The following HAUS7 variants were observed in gnomAD, a reference collection of about 807,000 sequenced individuals.
HAUS7 encodes HAUS augmin-like complex subunit 7.
A neutral mutation model predicts 28.4 loss-of-function variants in HAUS7; 3 were observed. The observed-to-expected ratio is 0.11, with a 90% CI of 0.05 to 0.27. The LOEUF (loss-of-function observed/expected upper bound fraction) is 0.27. Among genes scored for constraint, HAUS7 ranks in the 10% least tolerant of loss-of-function variants. The pLI, the probability that HAUS7 is intolerant of heterozygous loss-of-function variation, is 1.00. For missense variants in HAUS7, 284 were observed against 297.3 expected, an observed-to-expected ratio of 0.96 and a Z score of 0.33; for synonymous variants, 165 against 132.1, an observed-to-expected ratio of 1.25 and a Z score of -1.71.
At chrX:153,471,460 C>T (rs1280867815), upstream of HAUS7, among the ~76,000 whole-genome samples, 1 of 112,620 alleles carries the variant, frequency 8.9e-6, no homozygotes, top group African/African-American at 3.2e-5. Flanking sequence ...CCCTCAGGAC[C>T]CTCAAACTCA....
chrX:153,482,504 G>A, intron 1 of HAUS7: 3 of 754,252 alleles, frequency 4.0e-6, no homozygotes, highest in Non-Finnish European at 3.1e-6. Flanking sequence ...GCAGGCCTGG[G>A]CAGGTGCCCC....
chrX:153,477,169 C>A (rs1263658985), intron 1 of HAUS7, among the ~76,000 whole-genome samples: 1 of 113,409 alleles, frequency 8.8e-6, no homozygotes, highest in Non-Finnish European at 1.9e-5. Context: ...TGGGTAGGAG[C>A]GGAGTCCCTC....
intron 1 of HAUS7, chrX:153,479,232 T>C (rs1171750796): frequency 3.9e-6 from 2 of 515,737 alleles, no homozygotes; most frequent in Non-Finnish European, 2.4e-6. Flanking sequence ...CCACCGTGCC[T>C]CTCCCAGCTC....
At chrX:153,461,276 G>A (rs1556983315) in intron 4 of HAUS7, among the ~76,000 whole-genome samples, 5 of 111,789 alleles carry the variant, frequency 4.5e-5, no homozygotes, top group Admixed American at 9.5e-5. Flanking sequence ...GGAGAACCAC[G>A]GACTCTCAAC....
intron 1 of HAUS7, chrX:153,481,562 C>A: frequency 1.3e-6 from 1 of 756,423 alleles, no homozygotes; most frequent in Non-Finnish European, 1.6e-6. Context: ...TGCCTCCTGG[C>A]CCAGGCAGTC....
rs191749973 is a variant in HAUS7, at chrX:153,463,779, C to G, written c.293-1108G>C. Among the ~76,000 whole-genome samples the G allele has an allele frequency of 3.5e-5, 4 of 113,045 alleles. No homozygotes were observed. In the Admixed American group the frequency reaches 3.7e-4, roughly 10 times the overall value. On this transcript the variant is annotated intron_variant, in intron 3 of 9. Transcript: ENST00000370211. ...GCCCACCTGGGGCCCTGTGCGCATG[C>G]TCTTCCTCTCCGCACATGCCGCGCT...
At chrX:153,470,674 G>T, upstream of HAUS7, 1 of 1,025,812 alleles carries the variant, frequency 9.7e-7, no homozygotes, top group Non-Finnish European at 1.3e-6. Flanking sequence ...CTTCCCGACC[G>T]ACCCTTCCCA....
upstream of HAUS7, chrX:153,471,292 A>C (rs926755619): frequency 1.0e-4 from 23 of 226,916 alleles, no homozygotes; most frequent in African/African-American, 5.8e-4. Flanking sequence ...GGCAGGCGGT[A>C]ATAATTCCTG....
intron 1 of HAUS7, chrX:153,486,658 A>G: frequency 1.0e-6 from 1 of 982,367 alleles, no homozygotes; most frequent in Non-Finnish European, 1.3e-6. Flanking sequence ...CATCTGTGAC[A>G]TGCGCGTGGC....
chrX:153,487,632 A>G lies in HAUS7; in HGVS notation c.-589+7742T>C, dbSNP rs1256457908. Among the ~76,000 whole-genome samples the G allele has an allele frequency of 1.9e-4, 21 of 112,630 alleles. No homozygotes were observed. The Admixed American group carries it at 2.0e-3, about 10-fold the overall frequency. ...TGCTGTGAGACCAGGCTGTGCCCCT[A>G]TCTGACCTGGTGCCAGGGAAGGGTG... On this transcript the variant is annotated intron_variant, in intron 1 of 5. Coordinates refer to the HAUS7 transcript ENST00000370210.
chrX:153,468,905 G>A (rs1195332728), intron 2 of HAUS7, among the ~76,000 whole-genome samples: 1 of 113,179 alleles, frequency 8.8e-6, no homozygotes. Context: ...GTTCAGCACT[G>A]CAGCAAAGGG....
chrX:153,482,267 G>A, intron 1 of HAUS7: 3 of 749,015 alleles, frequency 4.0e-6, no homozygotes. Flanking sequence ...GCCCAGGAAG[G>A]CCTGTGCCCC....
chrX:153,462,147 T>C, intron 4 of HAUS7: 1 of 1,026,128 alleles, frequency 9.7e-7, no homozygotes, highest in Admixed American at 3.6e-5. Flanking sequence ...CTCATAATCA[T>C]CGAGTGAAAA....
At chrX:153,469,007 C>A in intron 2 of HAUS7, 139 bp downstream of exon 2, 1 of 470,439 alleles carries the variant, frequency 2.1e-6, no homozygotes, top group Admixed American at 3.3e-5. Flanking sequence ...CAGCTGTTCT[C>A]ACGAGGGTCC....
chrX:153,464,409 G>A (rs1339976223), intron 3 of HAUS7, among the ~76,000 whole-genome samples: 1 of 112,503 alleles, frequency 8.9e-6, no homozygotes, highest in African/African-American at 3.2e-5. Context: ...TAACTCATGT[G>A]GCAATGCCAG....
rs1556984780 is a variant in HAUS7 at position 153,469,238 on chromosome X, C to T, written c.132G>A (p.Glu44=). Residue 44 remains glutamate (E), a synonymous_variant, in exon 2 of 10, where the codon GAG becomes GAA. Transcript: ENST00000370211. ...TCTTTGGCTCTGTGATATACAGACC[C>T]TCGAGGAAGGGGCAGTTTAGGTCCT... ...KLKDLNCPFL[E]GLYITEPKTI... 1 of 1,165,996 alleles carries T rather than the reference C, an allele frequency of 8.6e-7. No homozygotes were observed. The highest frequency in any genetic ancestry group is 1.8e-5 in the South Asian group (1 of 55,695).
upstream of HAUS7, chrX:153,470,741 A>C: frequency 5.1e-6 from 3 of 584,536 alleles, no homozygotes; most frequent in Non-Finnish European, 5.3e-6. Flanking sequence ...CCCCGGCACC[A>C]CCCAGAGGCA....
chrX:153,471,115 G>T (rs1556985281), upstream of HAUS7: 2 of 288,057 alleles, frequency 6.9e-6, no homozygotes, highest in Non-Finnish European at 1.4e-5. Flanking sequence ...CTCCCAGCGC[G>T]GGGCTCCGTC....
intron 1 of HAUS7, among the ~76,000 whole-genome samples, chrX:153,477,375 C>T (rs1012876077): frequency 1.5e-4 from 17 of 113,500 alleles, no homozygotes; most frequent in Admixed American, 1.4e-3. Flanking sequence ...TTCCCATCAC[C>T]GTCCAGTCTC....
Sources: allele counts gnomAD v4.1 joint callset (sites outside exome capture counted in the v4.1 genomes callset), GRCh38; gene constraint gnomAD v4.1.1; transcripts MANE v1.5; gene names NCBI Gene and HGNC (gene_info 2026-07-23, HGNC 2026-07-21).